The following SEMA5A variants were observed in gnomAD, a reference collection of about 807,000 sequenced individuals.
SEMA5A encodes semaphorin-5A.
In SEMA5A, 55 loss-of-function variants were observed where a neutral mutation model predicts 135.5. The observed-to-expected ratio is 0.41, with a 90% CI of 0.33 to 0.51. The LOEUF (loss-of-function observed/expected upper bound fraction) is 0.51. SEMA5A is among the 20% of genes least tolerant of loss of function. The pLI, the probability that SEMA5A is intolerant of heterozygous loss-of-function variation, is 0.37. For missense variants in SEMA5A, 1,290 were observed against 1,419.9 expected, an observed-to-expected ratio of 0.91 and a Z score of 1.47; for synonymous variants, 580 against 546.5, an observed-to-expected ratio of 1.06 and a Z score of -0.85.
intron 1 of SEMA5A, among the ~76,000 whole-genome samples, chr5:9,460,315 G>A (rs11134357): frequency 0.015 from 2,244 of 152,124 alleles, 57 homozygotes; most frequent in African/African-American, 0.052. Context: ...ATTTAATATT[G>A]TCATAAATAT....
intron 1 of SEMA5A, among the ~76,000 whole-genome samples, chr5:9,458,215 C>T (rs1054728483): frequency 1.3e-5 from 2 of 152,138 alleles, no homozygotes; most frequent in Non-Finnish European, 2.9e-5. Context: ...CCCAGCATCT[C>T]TCCTTTTATT....
intron 1 of SEMA5A, among the ~76,000 whole-genome samples, chr5:9,453,696 C>A (rs990299205): frequency 6.6e-6 from 1 of 152,172 alleles, no homozygotes; most frequent in African/African-American, 2.4e-5. Flanking sequence ...TCGCAGGAAC[C>A]AAACCCTATA....
chr5:9,384,434 T>C (rs759983911), intron 2 of SEMA5A, among the ~76,000 whole-genome samples: 6 of 151,984 alleles, frequency 3.9e-5, no homozygotes, highest in Non-Finnish European at 8.8e-5. Flanking sequence ...CTGTACCTAC[T>C]AGAGCTAGTA....
chr5:9,276,480 A>G (rs1478623635), intron 5 of SEMA5A, among the ~76,000 whole-genome samples: 1 of 152,190 alleles, frequency 6.6e-6, no homozygotes, highest in East Asian at 1.9e-4. Flanking sequence ...ATATGGAACC[A>G]AAAAAGAGCC....
At chr5:9,528,973 G>A (rs969965528) in intron 1 of SEMA5A, among the ~76,000 whole-genome samples, 4 of 152,180 alleles carry the variant, frequency 2.6e-5, no homozygotes, top group African/African-American at 9.7e-5. Context: ...AGGGATAGCT[G>A]GTTCTTAGGT....
intron 16 of SEMA5A, among the ~76,000 whole-genome samples, chr5:9,083,931 G>A (rs1738536157): frequency 6.6e-6 from 1 of 152,144 alleles, no homozygotes; most frequent in African/African-American, 2.4e-5. Context: ...TGTCTTCCTT[G>A]ATCATGGCAC....
intron 1 of SEMA5A, among the ~76,000 whole-genome samples, chr5:9,444,192 T>TA (rs1019269291): frequency 2.0e-5 from 3 of 152,068 alleles, no homozygotes; most frequent in African/African-American, 7.3e-5. Flanking sequence ...ATTTTTTTTT[T>TA]ATTTCCAAAG....
chr5:9,351,793 T>C (rs1454449119), intron 3 of SEMA5A, among the ~76,000 whole-genome samples: 2 of 152,142 alleles, frequency 1.3e-5, no homozygotes, highest in East Asian at 3.9e-4. Flanking sequence ...CTTCCAGACA[T>C]ATGGACTAGC....
chr5:9,267,325 G>A (rs1412680045), intron 5 of SEMA5A, among the ~76,000 whole-genome samples: 1 of 152,112 alleles, frequency 6.6e-6, no homozygotes, highest in Non-Finnish European at 1.5e-5. Flanking sequence ...CTATCAAGCT[G>A]TTGCCCGATC....
chr5:9,373,228 T>A (rs1299381292), intron 3 of SEMA5A, among the ~76,000 whole-genome samples: 1 of 152,212 alleles, frequency 6.6e-6, no homozygotes, highest in African/African-American at 2.4e-5. Flanking sequence ...TATAATGATA[T>A]GTTTTGAAAG....
intron 16 of SEMA5A, among the ~76,000 whole-genome samples, chr5:9,067,017 G>A (rs544924471): frequency 3.1e-4 from 47 of 152,298 alleles, no homozygotes; most frequent in African/African-American, 1.1e-3. Context: ...TTAAAAGATT[G>A]ATTTGTAAAC....
rs148368289 is a variant in SEMA5A, at chr5:9,392,725, A to G, written c.-77-12702T>C. Among the ~76,000 whole-genome samples, 1,196 of 152,334 alleles carry G rather than the reference A, an allele frequency of 7.9e-3. 30 individuals are homozygous for G. In the South Asian group the frequency reaches 0.09, roughly 11 times the overall value. ...TCTCTTGCTATCCCCAGGGCCTAGGACACAGTATGACCCATATAAATATTA... is the reference window on the plus strand; with the variant it reads ...TCTCTTGCTATCCCCAGGGCCTAGGGCACAGTATGACCCATATAAATATTA... On this transcript the variant is annotated intron_variant, in intron 2 of 22. Coordinates refer to ENST00000382496, the MANE Select transcript of SEMA5A (RefSeq NM_003966.3).
intron 5 of SEMA5A, among the ~76,000 whole-genome samples, chr5:9,282,316 T>C (rs1750584032): frequency 6.6e-6 from 1 of 152,110 alleles, no homozygotes. Context: ...AGGAAGTTGA[T>C]TGGAAAGACA....
chr5:9,295,914 T>C (rs554163485), intron 5 of SEMA5A, among the ~76,000 whole-genome samples: 1 of 152,374 alleles, frequency 6.6e-6, no homozygotes, highest in South Asian at 2.1e-4. Flanking sequence ...GTGGAAATCA[T>C]TGTTCTCATC....
chr5:9,152,692 T>C (rs969320119), intron 12 of SEMA5A, among the ~76,000 whole-genome samples: 2 of 152,208 alleles, frequency 1.3e-5, no homozygotes, highest in African/African-American at 4.8e-5. Context: ...ATACTCTATA[T>C]ATTATCCTAT....
intron 4 of SEMA5A, among the ~76,000 whole-genome samples, chr5:9,325,894 G>A (rs1449894025): frequency 6.6e-6 from 1 of 152,138 alleles, no homozygotes; most frequent in Non-Finnish European, 1.5e-5. Context: ...GAAGAATTAA[G>A]GAAGGTAGAT....
At chr5:9,162,422 A>G (rs190466968) in intron 11 of SEMA5A, among the ~76,000 whole-genome samples, 10,119 of 141,346 alleles carry the variant, frequency 0.072, 455 homozygotes, top group African/African-American at 0.13. Context: ...ATGTGTGTGT[A>G]TATATATGTA....
chr5:9,544,436 T>C (rs112409995), intron 1 of SEMA5A, among the ~76,000 whole-genome samples: 16,399 of 152,214 alleles, frequency 0.11, 931 homozygotes, highest in South Asian at 0.14. Context: ...AGAGCATTTA[T>C]GTCTGGCCAC....
At chr5:9,293,632 G>T (rs1309228920) in intron 5 of SEMA5A, among the ~76,000 whole-genome samples, 1 of 152,128 alleles carries the variant, frequency 6.6e-6, no homozygotes, top group African/African-American at 2.4e-5. Context: ...CATGCCTGTT[G>T]CACTTGTGTT....
Sources: gnomAD v4.1 joint callset for allele counts (sites outside exome capture counted in the v4.1 genomes callset) on GRCh38, gnomAD v4.1.1 for gene constraint, MANE v1.5 for transcripts, NCBI Gene and HGNC (gene_info 2026-07-23, HGNC 2026-07-21) for gene names.